MAP2K6: variants seen among roughly 807,000 people sequenced by gnomAD.
MAP2K6 encodes the protein dual specificity mitogen-activated protein kinase kinase 6.
MAP2K6 carries 16 observed loss-of-function variants against 53.7 expected under a neutral mutation model. The ratio of observed to expected loss-of-function variants is 0.30; its 90% CI spans 0.20 to 0.45. The LOEUF (loss-of-function observed/expected upper bound fraction) is 0.45, where lower values mean the gene tolerates loss of function less well. Among genes scored for constraint, MAP2K6 ranks in the 20% least tolerant of loss-of-function variants. The pLI is 1.00. For synonymous variants in MAP2K6, 132 were observed against 143.1 expected (o/e 0.92, Z 0.55); for missense variants, 204 against 411.9 (o/e 0.50, Z 4.37).
intron 1 of MAP2K6, among the ~76,000 whole-genome samples, chr17:69,456,789 G>A (rs1203962583): frequency 6.6e-6 from 1 of 152,106 alleles, no homozygotes. Context: ...TACCCCACCT[G>A]CCCTTATCTA....
At chr17:69,531,437 G>C (rs1911081408) in intron 10 of MAP2K6, among the ~76,000 whole-genome samples, 1 of 152,114 alleles carries the variant, frequency 6.6e-6, no homozygotes, top group Non-Finnish European at 1.5e-5. Flanking sequence ...CCATAATTCT[G>C]TATCCAGGGA....
chr17:69,517,689 T>C (rs1410143852), intron 4 of MAP2K6, 76 bp downstream of exon 4: 1 of 968,046 alleles, frequency 1.0e-6, no homozygotes, highest in African/African-American at 1.7e-5. Flanking sequence ...AACCAGCCCT[T>C]TTAATAGAAG....
At chr17:69,512,302 G>C (rs1053214290) in intron 2 of MAP2K6, among the ~76,000 whole-genome samples, 1 of 138,366 alleles carries the variant, frequency 7.2e-6, no homozygotes. Context: ...GCAGCTCTGG[G>C]TTCTAATCTC....
At chr17:69,514,863 C>T (rs1382097804) in intron 2 of MAP2K6, among the ~76,000 whole-genome samples, 3 of 152,088 alleles carry the variant, frequency 2.0e-5, no homozygotes, top group Admixed American at 1.3e-4. Context: ...CGCCTCCGCC[C>T]ATATTCCTAC....
At chr17:69,481,164 C>T (rs540285845) in intron 1 of MAP2K6, among the ~76,000 whole-genome samples, 39 of 152,156 alleles carry the variant, frequency 2.6e-4, no homozygotes, top group Non-Finnish European at 4.1e-4. Flanking sequence ...CCTCCTCCAG[C>T]CCCTAGTAGC....
intron 1 of MAP2K6, among the ~76,000 whole-genome samples, chr17:69,446,180 C>T (rs989400313): frequency 3.9e-5 from 6 of 152,190 alleles, no homozygotes; most frequent in African/African-American, 7.2e-5. Context: ...GATTAATAGA[C>T]ACCAGGATGG....
chr17:69,457,415 G>C (rs1301299699), intron 1 of MAP2K6, among the ~76,000 whole-genome samples: 1 of 152,174 alleles, frequency 6.6e-6, no homozygotes, highest in Middle Eastern at 3.2e-3. Flanking sequence ...GAACATAGGA[G>C]CTCAAGTTGG....
intron 1 of MAP2K6, among the ~76,000 whole-genome samples, chr17:69,478,511 C>A (rs1182709071): frequency 6.6e-6 from 1 of 152,234 alleles, no homozygotes; most frequent in Non-Finnish European, 1.5e-5. Flanking sequence ...CAGCTCATTG[C>A]AACCTCTGCC....
intron 1 of MAP2K6, among the ~76,000 whole-genome samples, chr17:69,465,171 A>T (rs906403574): frequency 6.7e-6 from 1 of 148,690 alleles, no homozygotes. Context: ...GTTGCAATCT[A>T]TGCATACGAG....
intron 10 of MAP2K6, among the ~76,000 whole-genome samples, chr17:69,528,108 T>TAAAAAAAA (rs1910874155): frequency 5.9e-5 from 1 of 17,006 alleles, no homozygotes; most frequent in African/African-American, 6.5e-4. Context: ...AAACTTCGTC[T>TAAAAAAAA]CAAAAAAAAA....
chr17:69,521,178 GT>G, intron 7 of MAP2K6, 78 bp downstream of exon 7: 1 of 1,303,420 alleles, frequency 7.7e-7, no homozygotes, highest in Non-Finnish European at 1.1e-6. Flanking sequence ...TCTACCCCCA[GT>G]CCCCCATGGG....
At chr17:69,534,214 G>T (rs1398363406) in intron 10 of MAP2K6, among the ~76,000 whole-genome samples, 1 of 152,074 alleles carries the variant, frequency 6.6e-6, no homozygotes, top group East Asian at 1.9e-4. Flanking sequence ...AACCACCCAC[G>T]TAGACTCTCA....
intron 1 of MAP2K6, among the ~76,000 whole-genome samples, chr17:69,483,817 A>G (rs1404725533): frequency 2.6e-5 from 4 of 152,138 alleles, no homozygotes; most frequent in Non-Finnish European, 4.4e-5. Context: ...TTGATTTTTG[A>G]CAAGAGTGCC....
At chr17:69,541,056 G>A (rs1911596349) in intron 11 of MAP2K6, among the ~76,000 whole-genome samples, 1 of 152,212 alleles carries the variant, frequency 6.6e-6, no homozygotes, top group Non-Finnish European at 1.5e-5. Context: ...GAGGTCAGGA[G>A]ATCAAGACCA....
At chr17:69,465,296 A>G (rs371788195) in intron 1 of MAP2K6, among the ~76,000 whole-genome samples, 43 of 151,996 alleles carry the variant, frequency 2.8e-4, no homozygotes, top group African/African-American at 9.2e-4. Flanking sequence ...TGATATTACT[A>G]TGCTCTATAA....
chr17:69,462,063 A>T (rs1338840683), intron 1 of MAP2K6, among the ~76,000 whole-genome samples: 1 of 152,184 alleles, frequency 6.6e-6, no homozygotes, highest in African/African-American at 2.4e-5. Flanking sequence ...AATTACAGAC[A>T]TTCGGGATGG....
At chr17:69,420,212 G>A (rs976545778) in intron 1 of MAP2K6, among the ~76,000 whole-genome samples, 9 of 152,014 alleles carry the variant, frequency 5.9e-5, no homozygotes, top group Non-Finnish European at 8.8e-5. Flanking sequence ...TTACTTTTGG[G>A]CATTCCTGCA....
intron 2 of MAP2K6, among the ~76,000 whole-genome samples, chr17:69,512,232 G>A (rs1355837167): frequency 6.6e-6 from 1 of 151,506 alleles, no homozygotes; most frequent in Non-Finnish European, 1.5e-5. Context: ...ACAGTTTATG[G>A]CTAGTGAAAT....
chr17:69,469,504 C>T (rs564619082), intron 1 of MAP2K6, among the ~76,000 whole-genome samples: 1 of 152,274 alleles, frequency 6.6e-6, no homozygotes, highest in African/African-American at 2.4e-5. Context: ...TGGTGCACAC[C>T]TGTAATCCCA....
Sources: gnomAD v4.1 joint callset for allele counts (sites outside exome capture counted in the v4.1 genomes callset) on GRCh38, gnomAD v4.1.1 for gene constraint, MANE v1.5 for transcripts, NCBI Gene and HGNC (gene_info 2026-07-23, HGNC 2026-07-21) for gene names.